PPM1F: variants seen among roughly 807,000 people sequenced by gnomAD.
PPM1F encodes the protein protein phosphatase, Mg2+/Mn2+ dependent 1F.
PPM1F carries 17 observed loss-of-function variants against 35.5 expected under a neutral mutation model. The ratio of observed to expected loss-of-function variants is 0.48; its 90% CI spans 0.33 to 0.72. PPM1F has a LOEUF of 0.72. Among genes scored for constraint, PPM1F ranks in the 30% least tolerant of loss-of-function variants. The pLI, the probability that PPM1F is intolerant of heterozygous loss-of-function variation, is 0.02. For missense variants in PPM1F, 521 were observed against 613.0 expected, an observed-to-expected ratio of 0.85 and a Z score of 1.59; for synonymous variants, 241 against 255.5, an observed-to-expected ratio of 0.94 and a Z score of 0.54.
Position 21,939,336 on chromosome 22 carries a change from G to A in PPM1F, c.355+196C>T, listed in dbSNP as rs925354569. 9.0e-6 allele frequency: 6 copies of A among 669,392 alleles called. No homozygotes were observed. The highest frequency in any genetic ancestry group is 1.5e-5 in the Non-Finnish European group (6 of 398,146). The allele number at this position is 669,392 out of a possible 1,614,324, so 41.5% of individuals were successfully genotyped here. A position where few individuals can be genotyped will look rare whatever the true frequency, so the allele number is the denominator to read the frequency against. On this transcript the variant is annotated intron_variant, in intron 3 of 7. Coordinates refer to ENST00000263212, the MANE Select transcript of PPM1F (RefSeq NM_014634.4). The surrounding 1 kb of genome is among the most constrained non-coding windows in gnomAD (Gnocchi z 5.1). ...CTCGTGGGCTGACTGGGAACTATAT[G>A]ACCTGTGGAGGGCTGTGACCGCCAC... is the stretch of plus-strand genomic sequence containing the variant.
chr22:21,929,905 A>C (rs2070568189), intron 6 of PPM1F, among the ~76,000 whole-genome samples: 1 of 152,220 alleles, frequency 6.6e-6, no homozygotes, highest in Non-Finnish European at 1.5e-5. Context: ...AAGCCACAAA[A>C]AGACTACTCA....
chr22:21,923,410 C>T lies in PPM1F; in HGVS notation c.1047G>A (p.Thr349=), dbSNP rs373995253. The part of the protein sequence containing the change: ...GEADAASRAL[T]GSEDYLLLAC... ...CAAGCAGCAGGTAGTCCTCGGAGCC[C>T]GTCAGCGCCCGGGAAGCTGCATCGG... The change falls in exon 8 of 8, where the codon ACG becomes ACA. Residue 349 remains threonine (T), a synonymous_variant. Coordinates refer to ENST00000263212, the MANE Select transcript of PPM1F (RefSeq NM_014634.4). The T allele has an allele frequency of 1.4e-5, 22 of 1,613,526 alleles. No homozygotes were observed. Among genetic ancestry groups the T allele is most frequent in the African/African-American group, 9.3e-5 (7 of 74,908 alleles).
At chr22:21,938,087 C>A in intron 3 of PPM1F, 1 of 1,285,878 alleles carries the variant, frequency 7.8e-7, no homozygotes. Flanking sequence ...CTCTGACAGA[C>A]GGGGAAGCAA....
Position 21,933,474 on chromosome 22 carries a change from C to T in PPM1F, c.664G>A (p.Glu222Lys). 5 of 1,613,674 alleles carry T rather than the reference C, an allele frequency of 3.1e-6. No individual in the cohort carries two copies. Among genetic ancestry groups the T allele is most frequent in the Non-Finnish European group, 4.2e-6 (5 of 1,180,004 alleles). ...HVHTNAARQP[E>K]LPTDPEGALR... ...GCTCCCTCAGGGTCTGTGGGCAGCT[C>T]TGGCTGGCGGGCAGCGTTGGTGTGC... The change falls in exon 5 of 8, where the codon GAG becomes AAG. Residue 222 changes from glutamate to lysine, a missense_variant. This residue lies in a region of PPM1F where 311 missense variants were observed against 351.5 expected (regional missense o/e 0.88). Transcript: ENST00000263212.
chr22:21,938,436 G>A, intron 3 of PPM1F: 1 of 1,153,418 alleles, frequency 8.7e-7, no homozygotes, highest in South Asian at 1.6e-5. Flanking sequence ...AGCCAGGGCG[G>A]AGGGCAGAGG....
chr22:21,938,067 A>G, intron 3 of PPM1F: 4 of 1,265,392 alleles, frequency 3.2e-6, no homozygotes, highest in Non-Finnish European at 4.1e-6. Context: ...GCAGGCCTGC[A>G]TGCGAGGCAC....
intron 1 of PPM1F, chr22:21,946,547 G>C (rs1389145884): frequency 6.5e-6 from 1 of 153,638 alleles, no homozygotes; most frequent in Non-Finnish European, 1.4e-5. Context: ...GATGGCAGGA[G>C]GGACACCTGT....
intron 2 of PPM1F, chr22:21,944,744 G>T (rs1395098762): frequency 6.6e-6 from 1 of 152,228 alleles, no homozygotes; most frequent in Non-Finnish European, 1.5e-5. Flanking sequence ...TCTTTCATGG[G>T]ACAAATGCTT....
At chr22:21,924,694 C>T (rs1404171325) in intron 7 of PPM1F, among the ~76,000 whole-genome samples, 1 of 151,138 alleles carries the variant, frequency 6.6e-6, no homozygotes, top group Non-Finnish European at 1.5e-5. Context: ...CTCAGCCTCC[C>T]AAGTAACTGA....
At chr22:21,941,050 T>C (rs1038510404) in intron 2 of PPM1F, 3 of 152,240 alleles carry the variant, frequency 2.0e-5, no homozygotes, top group Non-Finnish European at 4.4e-5. Context: ...AGGCAGTAGT[T>C]AGGGCTACAG....
chr22:21,925,093 G>T, intron 7 of PPM1F: 1 of 172,424 alleles, frequency 5.8e-6, no homozygotes, highest in Non-Finnish European at 1.2e-5. Context: ...TAGTAGACAT[G>T]GGGTTTCATC....
intron 6 of PPM1F, among the ~76,000 whole-genome samples, chr22:21,927,767 C>T (rs1305765908): frequency 6.6e-6 from 1 of 152,152 alleles, no homozygotes; most frequent in Non-Finnish European, 1.5e-5. Context: ...CCCGGGCTCG[C>T]CCCTCTAACC....
chr22:21,938,724 G>T, intron 3 of PPM1F: 1 of 426,300 alleles, frequency 2.3e-6, no homozygotes, highest in Non-Finnish European at 3.2e-6. Context: ...CTACCCCCTT[G>T]TGGCACCCCT....
rs192178201 is a variant in PPM1F at position 21,919,594 on chromosome 22, C to A, written c.*3498G>T. On this transcript the variant is annotated 3_prime_UTR_variant, in exon 8 of 8. Coordinates refer to ENST00000263212, the MANE Select transcript of PPM1F (RefSeq NM_014634.4). ...CCCATGCAGGAGAAGCCCACCGAGA[C>A]GAACGCAGATAAACCCTTCGCAAGG... The A allele has an allele frequency of 1.4e-4, 21 of 152,712 alleles. No homozygotes were observed. In the East Asian group the frequency reaches 4.1e-3, roughly 29 times the overall value. The allele number at this position is 152,712 out of a possible 1,614,324, so 9.5% of individuals were successfully genotyped here.
chr22:21,923,394 G>A lies in PPM1F; in HGVS notation c.1063C>T (p.Leu355=), dbSNP rs1406126919. The A allele has an allele frequency of 6.2e-7, 1 of 1,613,762 alleles. No individual in the cohort carries two copies. Among genetic ancestry groups the A allele is most frequent in the Non-Finnish European group, 8.5e-7 (1 of 1,179,996 alleles). Residue 355 remains leucine (L), a synonymous_variant, in exon 8 of 8, where the codon CTG becomes TTG. Transcript: ENST00000263212. ...SRALTGSEDY[L]LLACDGFFDV... is the part of the protein sequence containing the mutation. Reference sequence around the variant, plus strand: ...AAGAAGCCATCACAGGCAAGCAGCAGGTAGTCCTCGGAGCCCGTCAGCGCC... The same window carrying A: ...AAGAAGCCATCACAGGCAAGCAGCAAGTAGTCCTCGGAGCCCGTCAGCGCC...
At position 21,939,578 on chromosome 22, in the gene PPM1F, T is replaced by C; in HGVS notation, c.309A>G (p.Glu103=). 6.3e-7 allele frequency: 1 copy of C among 1,575,234 alleles called. No individual in the cohort carries two copies. Among genetic ancestry groups the C allele is most frequent in the Non-Finnish European group, 8.6e-7 (1 of 1,158,924 alleles). ...CCTCGTCATCGTCCTCCTCCTCTTC[T>C]TCTTCCTCCCTGGGCAACTTCCTGA... is the stretch of plus-strand genomic sequence containing the variant. ...SEFRKLPREE[E]EEEEDDDEEE... The change falls in exon 3 of 8, where the codon GAA becomes GAG. Residue 103 remains glutamate (E), a synonymous_variant. Transcript: ENST00000263212. The surrounding 1 kb of genome is among the most constrained non-coding windows in gnomAD (Gnocchi z 5.1).
intron 2 of PPM1F, 117 bp downstream of exon 2, chr22:21,945,726 C>T (rs942400139): frequency 1.6e-5 from 17 of 1,052,060 alleles, no homozygotes; most frequent in Non-Finnish European, 2.3e-5. Context: ...GCATAGGGAT[C>T]CGGGGCTGCA....
intron 3 of PPM1F, chr22:21,938,524 C>G: frequency 1.9e-6 from 2 of 1,075,588 alleles, no homozygotes; most frequent in Non-Finnish European, 2.3e-6. Flanking sequence ...CTTCTCCCAC[C>G]TTGTTCCTTT....
At chr22:21,943,478 G>A (rs543018906) in intron 2 of PPM1F, 1 of 152,342 alleles carries the variant, frequency 6.6e-6, no homozygotes, top group Non-Finnish European at 1.5e-5. Context: ...CCTGGGGGCT[G>A]AGGAGACTCG....
Sources: allele counts gnomAD v4.1 joint callset (sites outside exome capture counted in the v4.1 genomes callset), GRCh38; gene constraint gnomAD v4.1.1; regional missense constraint gnomAD v4.1.1; non-coding constraint Gnocchi (gnomAD v3.1); transcripts MANE v1.5; gene names NCBI Gene and HGNC (gene_info 2026-07-23, HGNC 2026-07-21).